Variants in HOMER1 observed in about 807,000 individuals in gnomAD.
The protein encoded by HOMER1 is homer scaffold protein 1, also known as homer protein homolog 1.
In HOMER1, 3 loss-of-function variants were observed where a neutral mutation model predicts 48.9. That is an observed-to-expected ratio of 0.06 (90% CI 0.03 to 0.16). The LOEUF (loss-of-function observed/expected upper bound fraction) is 0.16, where lower values mean the gene tolerates loss of function less well. Among genes scored for constraint, HOMER1 ranks in the 10% least tolerant of loss-of-function variants. The pLI is 1.00. For missense variants in HOMER1, 247 were observed against 411.4 expected (o/e 0.60, Z 3.46); for synonymous variants, 134 against 146.4 (o/e 0.92, Z 0.61).
intron 5 of HOMER1, among the ~76,000 whole-genome samples, chr5:79,422,415 A>AT (rs1170574164): frequency 6.6e-6 from 1 of 152,112 alleles, no homozygotes; most frequent in Non-Finnish European, 1.5e-5. Flanking sequence ...TCTTTTTTAT[A>AT]TTTGGTCTCC....
Position 79,460,605 on chromosome 5 carries a change from C to A in HOMER1, c.6-3587G>T, listed in dbSNP as rs537834578. 3.3e-5 allele frequency among the ~76,000 whole-genome samples: 5 copies of A among 152,230 alleles called. No individual in the cohort carries two copies. The East Asian group carries it at 9.6e-4, about 29-fold the overall frequency. ...TAAAGGTAAATTTAGGAAGCAGTAT[C>A]AGCAGATAAGTAATAGATTGGATAT... On this transcript the variant is annotated intron_variant, in intron 1 of 8. Transcript: ENST00000334082.
At position 79,375,736 on chromosome 5, in the gene HOMER1, T is replaced by C. The variant is rs1748752876; in HGVS notation, c.*273A>G. The C allele has an allele frequency of 3.6e-6, 1 of 275,964 alleles. No homozygotes were observed. The highest frequency in any genetic ancestry group is 2.2e-5 in the African/African-American group (1 of 45,760). 17.1% of individuals were successfully genotyped at this position (275,964 alleles called of 1,614,324 possible). On this transcript the variant is annotated 3_prime_UTR_variant, in exon 9 of 9. Coordinates refer to ENST00000334082, the MANE Select transcript of HOMER1 (RefSeq NM_004272.5). ...AGGAAAAAAGATTGCATTAAGTGTC[T>C]ATTTATAACTTTCTAGTTAACTATG...
At chr5:79,380,093 T>A (rs1181299133) in intron 8 of HOMER1, among the ~76,000 whole-genome samples, 1 of 152,106 alleles carries the variant, frequency 6.6e-6, no homozygotes, top group African/African-American at 2.4e-5. Flanking sequence ...AAGAAGGAAG[T>A]CGGCTTGGCC....
intron 1 of HOMER1, among the ~76,000 whole-genome samples, chr5:79,481,481 T>G (rs1472070912): frequency 6.6e-6 from 1 of 152,092 alleles, no homozygotes; most frequent in Non-Finnish European, 1.5e-5. Flanking sequence ...TAAGACAAAG[T>G]TGAAAATTTG....
At chr5:79,453,699 G>GT (rs1751090015) in intron 2 of HOMER1, among the ~76,000 whole-genome samples, 1 of 152,154 alleles carries the variant, frequency 6.6e-6, no homozygotes, top group Non-Finnish European at 1.5e-5. Flanking sequence ...CCTGGCCCTT[G>GT]ACCATGCTGA....
At position 79,375,251 on chromosome 5, in the gene HOMER1, C is replaced by T. The variant is rs1748739010; in HGVS notation, c.*758G>A. The T allele has an allele frequency of 6.6e-6, 1 of 152,050 alleles. No homozygotes were observed. The highest frequency in any genetic ancestry group is 1.5e-5 in the Non-Finnish European group (1 of 67,924). The allele number at this position is 152,050 out of a possible 1,614,324, so 9.4% of individuals were successfully genotyped here. A position where few individuals can be genotyped will look rare whatever the true frequency, so the allele number is the denominator to read the frequency against. On this transcript the variant is annotated 3_prime_UTR_variant, in exon 9 of 9. Transcript: ENST00000334082. ...TAAAAAGAAAAATTTCTGAGGGACT[C>T]AGCTGCCTTCGTTAGTTGGCTTTAA...
At chr5:79,449,133 A>G (rs968419554) in intron 3 of HOMER1, among the ~76,000 whole-genome samples, 7 of 152,226 alleles carry the variant, frequency 4.6e-5, no homozygotes, top group Non-Finnish European at 8.8e-5. Flanking sequence ...TACTCAGCCC[A>G]AAAAGCATTT....
intron 1 of HOMER1, among the ~76,000 whole-genome samples, chr5:79,490,781 C>CAA (rs201000735): frequency 8.6e-5 from 11 of 127,804 alleles, no homozygotes; most frequent in South Asian, 2.5e-4. Flanking sequence ...AAAAAAAAAA[C>CAA]AAAAAAAAAA....
intron 8 of HOMER1, among the ~76,000 whole-genome samples, chr5:79,385,842 C>CAAAAAA (rs33968519): frequency 1.3e-4 from 9 of 70,790 alleles, no homozygotes; most frequent in Admixed American, 2.2e-4. Context: ...GACTCTGTCT[C>CAAAAAA]AAAAAAAAAA....
chr5:79,398,466 A>G (rs13158565), intron 6 of HOMER1, among the ~76,000 whole-genome samples: 28,612 of 151,936 alleles, frequency 0.19, 3,707 homozygotes, highest in East Asian at 0.43. Context: ...CCAAATATCA[A>G]ATTACCCTCT....
intron 5 of HOMER1, among the ~76,000 whole-genome samples, chr5:79,417,006 A>G (rs187207987): frequency 6.6e-6 from 1 of 152,292 alleles, no homozygotes; most frequent in Non-Finnish European, 1.5e-5. Flanking sequence ...ATAAAAAGCT[A>G]TTCAGTGGAC....
chr5:79,443,450 G>T (rs888002908), intron 4 of HOMER1, among the ~76,000 whole-genome samples: 1 of 152,230 alleles, frequency 6.6e-6, no homozygotes, highest in East Asian at 1.9e-4. Context: ...CTGAGTTTTA[G>T]CAAGTCTTTC....
chr5:79,394,830 AAAGCACTGGGATTAT>A (rs1283676644), intron 8 of HOMER1, among the ~76,000 whole-genome samples: 1 of 152,214 alleles, frequency 6.6e-6, no homozygotes, highest in African/African-American at 2.4e-5. Flanking sequence ...TCAACCTCCC[AAAGCACTGGGATTAT>A]AGGCATAAGC....
intron 1 of HOMER1, among the ~76,000 whole-genome samples, chr5:79,487,688 T>C (rs918176156): frequency 1.3e-5 from 2 of 152,172 alleles, no homozygotes; most frequent in East Asian, 1.9e-4. Flanking sequence ...GTGTGGACCA[T>C]GTTTGAAAGC....
At chr5:79,415,472 T>C (rs1450768331) in intron 5 of HOMER1, among the ~76,000 whole-genome samples, 4 of 152,222 alleles carry the variant, frequency 2.6e-5, no homozygotes, top group African/African-American at 9.6e-5. Context: ...GGACCCTGCA[T>C]ATGATGAAGT....
At chr5:79,451,520 C>G (rs755571585) in intron 2 of HOMER1, among the ~76,000 whole-genome samples, 1 of 126,128 alleles carries the variant, frequency 7.9e-6, no homozygotes, top group African/African-American at 3.0e-5. Context: ...TCCAAAGAAT[C>G]TTTCAAAAAT....
intron 8 of HOMER1, among the ~76,000 whole-genome samples, chr5:79,382,740 A>C (rs1224379831): frequency 6.6e-6 from 1 of 152,212 alleles, no homozygotes; most frequent in Non-Finnish European, 1.5e-5. Context: ...TGTTAAACAC[A>C]AATAAAAAAG....
intron 3 of HOMER1, among the ~76,000 whole-genome samples, chr5:79,450,057 C>G (rs900772103): frequency 6.6e-6 from 1 of 152,138 alleles, no homozygotes; most frequent in Non-Finnish European, 1.5e-5. Flanking sequence ...AATATAAACA[C>G]TGTATATCTA....
intron 4 of HOMER1, among the ~76,000 whole-genome samples, chr5:79,441,968 GGT>G (rs147719225): frequency 1.4e-4 from 21 of 147,462 alleles, no homozygotes; most frequent in Admixed American, 2.7e-4. Context: ...TCTTTTTTGG[GGT>G]GTGTGTGTGT....
Sources: gnomAD v4.1 joint callset for allele counts (sites outside exome capture counted in the v4.1 genomes callset) on GRCh38, gnomAD v4.1.1 for gene constraint, MANE v1.5 for transcripts, NCBI Gene and HGNC (gene_info 2026-07-23, HGNC 2026-07-21) for gene names.